CS: variants seen among roughly 807,000 people sequenced by gnomAD.
The protein encoded by CS is citrate synthase, also known as citrate synthase, mitochondrial.
In CS, 13 loss-of-function variants were observed where a neutral mutation model predicts 61.4. That is an observed-to-expected ratio of 0.21 (90% CI 0.14 to 0.34). The LOEUF (loss-of-function observed/expected upper bound fraction) is 0.34, where lower values mean the gene tolerates loss of function less well. Ranked by LOEUF, CS falls within the 10% of genes least tolerant of loss-of-function variation. CS has a pLI of 1.00. For synonymous variants in CS, 159 were observed against 215.2 expected (o/e 0.74, Z 2.29); for missense variants, 278 against 573.4 (o/e 0.48, Z 5.26).
At position 56,272,439 on chromosome 12, in the gene CS, C is replaced by T. The variant is rs148677822; in HGVS notation, c.*645G>A. ...AGGTGAGTATTAAAGTAATGGGAAA[C>T]AGAACACTCCCAGACCTTAATTTTA... On this transcript the variant is annotated 3_prime_UTR_variant, in exon 11 of 11. Transcript: ENST00000351328. The T allele has an allele frequency of 6.6e-6, 1 of 152,576 alleles. No homozygotes were observed. The highest frequency in any genetic ancestry group is 2.4e-5 in the African/African-American group (1 of 41,434). 9.5% of individuals were successfully genotyped at this position (152,576 alleles called of 1,614,324 possible).
intron 1 of CS, among the ~76,000 whole-genome samples, chr12:56,297,441 GAGTAGAAC>G (rs1211722343): frequency 6.6e-6 from 1 of 152,194 alleles, no homozygotes; most frequent in African/African-American, 2.4e-5. Context: ...GTGACAGTGA[GAGTAGAAC>G]AATAGAACAA....
chr12:56,292,414 A>C (rs1260987812), intron 1 of CS, among the ~76,000 whole-genome samples: 1 of 151,504 alleles, frequency 6.6e-6, no homozygotes, highest in Non-Finnish European at 1.5e-5. Context: ...AAAAGTTCTA[A>C]GTTGCTAGCC....
chr12:56,286,579 C>T lies in CS; in HGVS notation c.93+16G>A, dbSNP rs760743525. ...CGCAATGATTCTTATTCTTAGTCTT[C>T]TTTTCCAAACCTTACCGTGGAGGAA... On this transcript the variant is annotated intron_variant, in intron 2 of 10. Coordinates refer to ENST00000351328, the MANE Select transcript of CS (RefSeq NM_004077.3). 1.2e-6 allele frequency: 2 copies of T among 1,613,538 alleles called. No homozygotes were observed. Among genetic ancestry groups the T allele is most frequent in the Admixed American group, 3.3e-5 (2 of 60,010 alleles).
At position 56,274,987 on chromosome 12, in the gene CS, A is replaced by G; in HGVS notation, c.918+15T>C. On this transcript the variant is annotated intron_variant, in intron 8 of 10. Coordinates refer to ENST00000351328, the MANE Select transcript of CS (RefSeq NM_004077.3). Reference sequence around the variant, plus strand: ...AGGAAAACATGTAGCAGGAAAATAAAAAGAATAGTCTTACCTGATTTGCCA... The same window carrying G: ...AGGAAAACATGTAGCAGGAAAATAAGAAGAATAGTCTTACCTGATTTGCCA... 6.2e-7 allele frequency: 1 copy of G among 1,613,196 alleles called. No individual in the cohort carries two copies. Among genetic ancestry groups the G allele is most frequent in the Non-Finnish European group, 8.5e-7 (1 of 1,179,500 alleles).
intron 6 of CS, among the ~76,000 whole-genome samples, chr12:56,278,508 G>A (rs758060443): frequency 4.3e-4 from 65 of 152,010 alleles, no homozygotes; most frequent in Admixed American, 1.8e-3. Flanking sequence ...GGAGGCTGAG[G>A]AGCGCGGATC....
At chr12:56,295,137 G>C (rs914614485) in intron 1 of CS, among the ~76,000 whole-genome samples, 15 of 151,640 alleles carry the variant, frequency 9.9e-5, no homozygotes, top group African/African-American at 3.1e-4. Flanking sequence ...TATGTTGCCA[G>C]GCTGATCTCA....
At chr12:56,283,894 G>C (rs1872850657) in intron 3 of CS, 37 bp from the exon 4 acceptor site, 2 of 1,468,798 alleles carry the variant, frequency 1.4e-6, no homozygotes, top group African/African-American at 1.4e-5. Context: ...AAAAAAAGAG[G>C]CTGTGGCCAG....
At chr12:56,293,193 C>T (rs1025194731) in intron 1 of CS, among the ~76,000 whole-genome samples, 1 of 152,194 alleles carries the variant, frequency 6.6e-6, no homozygotes, top group African/African-American at 2.4e-5. Context: ...CACTGTTCCA[C>T]ATCTAGCACC....
chr12:56,278,861 C>T (rs1423195343), intron 6 of CS, among the ~76,000 whole-genome samples: 1 of 152,088 alleles, frequency 6.6e-6, no homozygotes, highest in Non-Finnish European at 1.5e-5. Flanking sequence ...GCAACCTCTG[C>T]CTCCTAGGTT....
At chr12:56,295,294 G>A (rs985925787) in intron 1 of CS, among the ~76,000 whole-genome samples, 4 of 151,672 alleles carry the variant, frequency 2.6e-5, no homozygotes, top group Non-Finnish European at 4.4e-5. Flanking sequence ...AGGCTGAGGC[G>A]GGTGGATCAC....
intron 1 of CS, chr12:56,299,875 T>A: frequency 2.6e-6 from 1 of 384,096 alleles, no homozygotes; most frequent in South Asian, 2.6e-5. Flanking sequence ...CACGCATCCC[T>A]TCCCCTTTCA....
intron 1 of CS, among the ~76,000 whole-genome samples, chr12:56,296,358 G>A (rs911303261): frequency 2.6e-5 from 4 of 152,062 alleles, no homozygotes; most frequent in African/African-American, 9.7e-5. Context: ...AGCTACTCGG[G>A]GGGATTGCTT....
At chr12:56,299,332 T>A (rs949480516) in intron 1 of CS, among the ~76,000 whole-genome samples, 1 of 152,106 alleles carries the variant, frequency 6.6e-6, no homozygotes, top group African/African-American at 2.4e-5. Context: ...CAATACCAAG[T>A]AAAGGACCCC....
At chr12:56,291,349 CTT>C (rs1873119698) in intron 1 of CS, 1 of 874,780 alleles carries the variant, frequency 1.1e-6, no homozygotes, top group African/African-American at 1.8e-5. Context: ...TTCTTTCTTT[CTT>C]TCTTTTTTTT....
At chr12:56,273,309 A>G in intron 10 of CS, 55 bp from the exon 11 acceptor site, 1 of 1,553,080 alleles carries the variant, frequency 6.4e-7, no homozygotes, top group Non-Finnish European at 8.8e-7. Context: ...TGGCATGTAC[A>G]AGTCCTAGGT....
At chr12:56,284,260 A>C (rs1490725743) in intron 3 of CS, among the ~76,000 whole-genome samples, 1 of 145,362 alleles carries the variant, frequency 6.9e-6, no homozygotes, top group Non-Finnish European at 1.5e-5. Flanking sequence ...CAGAGATTGC[A>C]GTGAGCCAAG....
rs529534559 is a variant in CS at position 56,300,284 on chromosome 12, G to C, written c.-83C>G. 26 of 1,423,674 alleles carry C rather than the reference G, an allele frequency of 1.8e-5. No individual in the cohort carries two copies. In the African/African-American group the frequency reaches 3.0e-4, roughly 16 times the overall value. The allele number at this position is 1,423,674 out of a possible 1,614,324, so 88.2% of individuals were successfully genotyped here. A position where few individuals can be genotyped will look rare whatever the true frequency, so the allele number is the denominator to read the frequency against. On this transcript the variant is annotated 5_prime_UTR_variant, in exon 1 of 11. Coordinates refer to ENST00000351328, the MANE Select transcript of CS (RefSeq NM_004077.3). ...AACAGGAGCCGCCGCCGCTGCACCA[G>C]AGGCCGCGCCGACGGGTTGACAAGG...
At chr12:56,291,989 A>G (rs1470872244) in intron 1 of CS, among the ~76,000 whole-genome samples, 1 of 152,206 alleles carries the variant, frequency 6.6e-6, no homozygotes, top group Non-Finnish European at 1.5e-5. Flanking sequence ...TTATTGATAG[A>G]GGTGGGCTGT....
At chr12:56,275,717 G>A (rs553351733) in intron 7 of CS, 13 of 474,512 alleles carry the variant, frequency 2.7e-5, no homozygotes, top group African/African-American at 5.8e-5. Flanking sequence ...CCCAAAGAGC[G>A]AGCTCCTGGA....
Sources: allele counts gnomAD v4.1 joint callset (sites outside exome capture counted in the v4.1 genomes callset), GRCh38; gene constraint gnomAD v4.1.1; transcripts MANE v1.5; gene names NCBI Gene and HGNC (gene_info 2026-07-23, HGNC 2026-07-21).